CELSR3: variants seen among roughly 807,000 people sequenced by gnomAD.
CELSR3 encodes EGF-like protein 1.
In CELSR3, 73 loss-of-function variants were observed where a neutral mutation model predicts 270.0. The observed-to-expected ratio is 0.27, with a 90% confidence interval of 0.22 to 0.33. The LOEUF (loss-of-function observed/expected upper bound fraction) is 0.33, where lower values mean the gene tolerates loss of function less well. Among genes scored for constraint, CELSR3 ranks in the 10% least tolerant of loss-of-function variants. The probability of loss-of-function intolerance (pLI) is 1.00; values close to 1 mark genes in which losing one functional copy is unlikely to be tolerated. For missense variants in CELSR3, 3,614 were observed against 4,533.8 expected, an observed-to-expected ratio of 0.80 and a Z score of 5.83; for synonymous variants, 1,780 against 1,905.4, an observed-to-expected ratio of 0.93 and a Z score of 1.71.
At position 48,662,431 on chromosome 3, in the gene CELSR3, G is replaced by A; in HGVS notation, c.204C>T (p.Ser68=). ...CAGGCCCCCCATCCTCCCGGACCCC[G>A]GAAGACTCCGGACAAAGAGCTAAGG... ...GGALALCPES[S]GVREDGGPGL... Residue 68 remains serine (S), a synonymous_variant, in exon 1 of 35, where the codon TCC becomes TCT. Transcript: ENST00000164024. This position sits in a 1 kb window ranked among gnomAD's most constrained non-coding sequence, Gnocchi z 7.1. The A allele has an allele frequency of 6.2e-7, 1 of 1,612,702 alleles. No homozygotes were observed. The highest frequency in any genetic ancestry group is 1.1e-5 in the South Asian group (1 of 91,054).
Position 48,650,868 on chromosome 3 carries a change from T to C in CELSR3, c.6370+24A>G. 6.2e-7 allele frequency: 1 copy of C among 1,603,962 alleles called. No individual in the cohort carries two copies. Among genetic ancestry groups the C allele is most frequent in the Non-Finnish European group, 8.5e-7 (1 of 1,176,314 alleles). On this transcript the variant is annotated intron_variant, in intron 15 of 34. Transcript: ENST00000164024. The surrounding 1 kb of genome is among the most constrained non-coding windows in gnomAD (Gnocchi z 5.1). ...CACACTGGAACCAGCCCTCTATGGG[T>C]GGAGCTGGGTGGAGCCTGCTCACCC...
chr3:48,657,568 C>G lies in CELSR3; in HGVS notation c.3749-220G>C, dbSNP rs1167495631. Among the ~76,000 whole-genome samples the G allele has an allele frequency of 2.0e-5, 3 of 152,174 alleles. No homozygotes were observed. Among genetic ancestry groups the G allele is most frequent in the Admixed American group, 6.5e-5 (1 of 15,284 alleles). ...GCTTCCTCCCCCAATCCCCAATACA[C>G]GGAGGGGTCTGGGCCAAGGATCAAG... is the stretch of plus-strand genomic sequence containing the variant. On this transcript the variant is annotated intron_variant, in intron 1 of 34. Transcript: ENST00000164024. This position sits in a 1 kb window ranked among gnomAD's most constrained non-coding sequence, Gnocchi z 5.4.
chr3:48,661,462 C>A lies in CELSR3; in HGVS notation c.1173G>T (p.Leu391=), dbSNP rs761827555. 6.2e-7 allele frequency: 1 copy of A among 1,608,764 alleles called. No homozygotes were observed. Among genetic ancestry groups the A allele is most frequent in the Non-Finnish European group, 8.5e-7 (1 of 1,177,988 alleles). The change falls in exon 1 of 35, where the codon CTG becomes CTT. Residue 391 remains leucine (L), a synonymous_variant. Transcript: ENST00000164024. ...QSGLIRTAAA[L]DRESMERHYL... The stretch of plus-strand genomic sequence containing the variant: ...AGTGACGCTCCATGCTCTCGCGGTC[C>A]AGAGCTGCCGCCGTACGGATAAGGC...
chr3:48,644,087 G>A lies in CELSR3; in HGVS notation c.8165+129C>T. On this transcript the variant is annotated intron_variant, in intron 27 of 34. Transcript: ENST00000164024. This position sits in a 1 kb window ranked among gnomAD's most constrained non-coding sequence, Gnocchi z 4.8. ...AGAGAGGGACCACAGGTCAGGGCAG[G>A]TGTGACTTCATTCCTTCATCTAGAA... The A allele has an allele frequency of 1.4e-6, 1 of 727,088 alleles. No individual in the cohort carries two copies. The highest frequency in any genetic ancestry group is 1.8e-5 in the South Asian group (1 of 56,216). 45.0% of individuals were successfully genotyped at this position (727,088 alleles called of 1,614,324 possible). A position where few individuals can be genotyped will look rare whatever the true frequency, so the allele number is the denominator to read the frequency against.
chr3:48,651,090 G>C lies in CELSR3; in HGVS notation c.6187-15C>G. ...TAGTGGAACTCCTGTTTGAGGATGG[G>C]CCAGGGGCCTGAAGTCAGAGGTCAG... On this transcript the variant is annotated splice_polypyrimidine_tract_variant and intron_variant, in intron 14 of 34. Transcript: ENST00000164024. The surrounding 1 kb of genome is among the most constrained non-coding windows in gnomAD (Gnocchi z 7.4). The C allele has an allele frequency of 2.6e-6, 4 of 1,547,856 alleles. No homozygotes were observed. Among genetic ancestry groups the C allele is most frequent in the Non-Finnish European group, 3.5e-6 (4 of 1,147,916 alleles).
In CELSR3 at chr3:48,660,095, T is replaced by C. The variant is rs2077055006; in HGVS notation, c.2540A>G (p.Asn847Ser). Residue 847 changes from asparagine (N) to serine (S), a missense_variant, in exon 1 of 35, where the codon AAC (asparagine) becomes AGC (serine). Physicochemically the swap from Asn to Ser is conservative, Grantham distance 46. Transcript: ENST00000164024. The surrounding 1 kb of genome is among the most constrained non-coding windows in gnomAD (Gnocchi z 5.5). ...CCGATGAGTGTTGGCATCTGTGATG[T>C]TGATGTGCACATAGCAGTGATCATG... ...ALHDHCYVHINITDANTHRPV... is the reference protein window; with the variant it reads ...ALHDHCYVHISITDANTHRPV... 4 of 1,614,070 alleles carry C rather than the reference T, an allele frequency of 2.5e-6. No homozygotes were observed. The highest frequency in any genetic ancestry group is 1.1e-5 in the South Asian group (1 of 91,086).
Position 48,643,671 on chromosome 3 carries a change from A to G in CELSR3, c.8172T>C (p.Leu2724=), listed in dbSNP as rs1323557302. The G allele has an allele frequency of 6.4e-7, 1 of 1,552,518 alleles. No homozygotes were observed. The highest frequency in any genetic ancestry group is 1.2e-5 in the South Asian group (1 of 84,114). ...GCAGAAGCAGCAGGAAGGAGCTGCG[A>G]AGGGTCCTGCTGTGGGGACATGGGA... ...REAKKTSALT[L]RSSFLLLLLV... The change falls in exon 28 of 35, where the codon CTT becomes CTC. Residue 2724 remains leucine, a synonymous_variant. Coordinates refer to ENST00000164024, the MANE Select transcript of CELSR3 (RefSeq NM_001407.3).
Position 48,650,199 on chromosome 3 carries a change from C to T in CELSR3, c.6472+281G>A. The T allele has an allele frequency of 1.8e-6, 1 of 560,780 alleles. No homozygotes were observed. Among genetic ancestry groups the T allele is most frequent in the South Asian group, 1.5e-5 (1 of 65,546 alleles). 34.7% of individuals were successfully genotyped at this position (560,780 alleles called of 1,614,324 possible). ...AGCAGGGAGGGGTCTGCAGGGACCT[C>T]AGGCAGCAGGAGGGGTCTGCAAAAG... On this transcript the variant is annotated intron_variant, in intron 16 of 34. Transcript: ENST00000164024. The surrounding 1 kb of genome is among the most constrained non-coding windows in gnomAD (Gnocchi z 5.1).
chr3:48,659,388 C>T lies in CELSR3; in HGVS notation c.3247G>A (p.Gly1083Ser), dbSNP rs1386264590. ...GCAGTGATCTGGGCCACCACTGAGC[C>T]CACAATGCTATTCTCTTTCACCCGC... ...EVRVKENSIV[G>S]SVVAQITAVD... is the part of the protein sequence containing the mutation. The change falls in exon 1 of 35, where the codon GGC becomes AGC. Residue 1083 changes from glycine (G) to serine (S), a missense_variant. By Grantham distance (56) the Gly-to-Ser change is moderately conservative (BLOSUM62 0). Coordinates refer to ENST00000164024, the MANE Select transcript of CELSR3 (RefSeq NM_001407.3). The surrounding 1 kb of genome is among the most constrained non-coding windows in gnomAD (Gnocchi z 8.1). 2 of 1,614,152 alleles carry T rather than the reference C, an allele frequency of 1.2e-6. No homozygotes were observed. Among genetic ancestry groups the T allele is most frequent in the African/African-American group, 1.3e-5 (1 of 75,016 alleles).
chr3:48,650,469 C>G lies in CELSR3; in HGVS notation c.6472+11G>C. 1 of 1,556,732 alleles carries G rather than the reference C, an allele frequency of 6.4e-7. No homozygotes were observed. The highest frequency in any genetic ancestry group is 8.8e-7 in the Non-Finnish European group (1 of 1,139,174). Reference sequence around the variant, plus strand: ...CACCCTCAGTGATGTCCTTTCCCCCCACATACTCACCCAGGGCCCCCCGGG... The same window carrying G: ...CACCCTCAGTGATGTCCTTTCCCCCGACATACTCACCCAGGGCCCCCCGGG... On this transcript the variant is annotated intron_variant, in intron 16 of 34. Transcript: ENST00000164024. This position sits in a 1 kb window ranked among gnomAD's most constrained non-coding sequence, Gnocchi z 5.1.
At position 48,639,145 on chromosome 3, in the gene CELSR3, C is replaced by T. The variant is rs1265958875; in HGVS notation, c.9911+529G>A. 6.6e-6 allele frequency among the ~76,000 whole-genome samples: 1 copy of T among 152,140 alleles called. No individual in the cohort carries two copies. The highest frequency in any genetic ancestry group is 1.5e-5 in the Non-Finnish European group (1 of 68,026). ...GGTTCCAACTCAGTTCCTGTGAGCC[C>T]CACCCCAAAGTGTCCACAGACAGGA... On this transcript the variant is annotated intron_variant, in intron 34 of 34. Transcript: ENST00000164024. This position sits in a 1 kb window ranked among gnomAD's most constrained non-coding sequence, Gnocchi z 4.1.
Position 48,653,954 on chromosome 3 carries a change from A to G in CELSR3, c.5202T>C (p.Ser1734=). The change falls in exon 8 of 35, where the codon AGT becomes AGC. Residue 1734 remains serine, a synonymous_variant. Transcript: ENST00000164024. The surrounding 1 kb of genome is among the most constrained non-coding windows in gnomAD (Gnocchi z 6.5). ...HFCDSGPCKN[S]GFCSERWGSF... ...TGCCCCAGCGCTCCGAGCAGAAGCC[A>G]CTGTTCTTGCAGGGGCCTGAGTCAC... The G allele has an allele frequency of 6.2e-7, 1 of 1,613,568 alleles. No individual in the cohort carries two copies. The highest frequency in any genetic ancestry group is 1.1e-5 in the South Asian group (1 of 91,092).
chr3:48,648,834 T>C lies in CELSR3; in HGVS notation c.6662A>G (p.His2221Arg), dbSNP rs2047111588. ...RLREVTGHTDHYFSQDVRVTA... is the reference protein window; with the variant it reads ...RLREVTGHTDRYFSQDVRVTA... ...GACTCGAACATCTTGGCTAAAATAG[T>C]GGTCAGTGTGGCCAGTCACCTCCCG... The change falls in exon 18 of 35, where the codon CAC (histidine) becomes CGC (arginine). Residue 2221 changes from histidine to arginine, a missense_variant. Around this residue, in one of 7 missense-constraint regions of CELSR3, gnomAD observed 1,331 missense variants for 1,933.7 expected, o/e 0.69. Transcript: ENST00000164024. 1 of 1,612,836 alleles carries C rather than the reference T, an allele frequency of 6.2e-7. No individual in the cohort carries two copies.
chr3:48,646,670 C>G lies in CELSR3; in HGVS notation c.7295+93G>C. 8 of 1,291,038 alleles carry G rather than the reference C, an allele frequency of 6.2e-6. No individual in the cohort carries two copies. The highest frequency in any genetic ancestry group is 8.6e-6 in the Non-Finnish European group (8 of 929,308). 80.0% of individuals were successfully genotyped at this position (1,291,038 alleles called of 1,614,324 possible). A position where few individuals can be genotyped will look rare whatever the true frequency, so the allele number is the denominator to read the frequency against. On this transcript the variant is annotated intron_variant, in intron 21 of 34. Coordinates refer to ENST00000164024, the MANE Select transcript of CELSR3 (RefSeq NM_001407.3). This position sits in a 1 kb window ranked among gnomAD's most constrained non-coding sequence, Gnocchi z 4.8. Reference sequence around the variant, plus strand: ...GGGCTCCCTGGAGCTGTGCTCCTCTCTGTGTGTTGTGAACCTACGCATCTA... The same window carrying G: ...GGGCTCCCTGGAGCTGTGCTCCTCTGTGTGTGTTGTGAACCTACGCATCTA...
In CELSR3 at chr3:48,659,398, A is replaced by G; in HGVS notation, c.3237T>C (p.Asn1079=). The G allele has an allele frequency of 6.2e-7, 1 of 1,614,162 alleles. No individual in the cohort carries two copies. The highest frequency in any genetic ancestry group is 1.6e-4 in the Middle Eastern group (1 of 6,062). ...AEEFEVRVKE[N]SIVGSVVAQI... ...GGGCCACCACTGAGCCCACAATGCT[A>G]TTCTCTTTCACCCGCACCTCAAACT... Residue 1079 remains asparagine (N), a synonymous_variant, in exon 1 of 35, where the codon AAT becomes AAC. Transcript: ENST00000164024. This position sits in a 1 kb window ranked among gnomAD's most constrained non-coding sequence, Gnocchi z 8.1.
rs771398055 is a variant in CELSR3 at position 48,651,570 on chromosome 3, C to T, written c.6065+7G>A. ...GTCTCCCCATCGCCTCAGCCCCAGCCTCTTACCTGTGCTCACAGTGGTGCC... is the reference window on the plus strand; with the variant it reads ...GTCTCCCCATCGCCTCAGCCCCAGCTTCTTACCTGTGCTCACAGTGGTGCC... On this transcript the variant is annotated splice_region_variant and intron_variant, in intron 13 of 34. Coordinates refer to ENST00000164024, the MANE Select transcript of CELSR3 (RefSeq NM_001407.3). The surrounding 1 kb of genome is among the most constrained non-coding windows in gnomAD (Gnocchi z 7.4). 1.3e-6 allele frequency: 2 copies of T among 1,582,630 alleles called. No individual in the cohort carries two copies. Among genetic ancestry groups the T allele is most frequent in the Non-Finnish European group, 1.7e-6 (2 of 1,161,572 alleles).
rs2077070260 is a variant in CELSR3, at chr3:48,662,000, C to T, written c.635G>A (p.Gly212Glu). 6.2e-7 allele frequency: 1 copy of T among 1,614,084 alleles called. No individual in the cohort carries two copies. The highest frequency in any genetic ancestry group is 8.5e-7 in the Non-Finnish European group (1 of 1,180,040). The change falls in exon 1 of 35, where the codon GGG becomes GAG. Residue 212 changes from glycine to glutamate, a missense_variant. By Grantham distance (98) the Gly-to-Glu change is moderately conservative. Coordinates refer to ENST00000164024, the MANE Select transcript of CELSR3 (RefSeq NM_001407.3). ...ARCCGELWAT[G>E]SKGQGERATT... ...GGCTCTCTCGCCCTGACCCTTGCTC[C>T]CTGTTGCCCATAATTCCCCACAGCA...
At position 48,643,665 on chromosome 3, in the gene CELSR3, G is replaced by T; in HGVS notation, c.8178C>A (p.Ser2726Arg). The T allele has an allele frequency of 6.4e-7, 1 of 1,552,312 alleles. No homozygotes were observed. The highest frequency in any genetic ancestry group is 2.4e-5 in the East Asian group (1 of 41,094). ...TGACCAGCAGAAGCAGCAGGAAGGA[G>T]CTGCGAAGGGTCCTGCTGTGGGGAC... ...AKKTSALTLR[S>R]SFLLLLLVSA... The change falls in exon 28 of 35, where the codon AGC becomes AGA. Residue 2726 changes from serine to arginine, a missense_variant. This residue lies in a region of CELSR3 where 1,240 missense variants were observed against 1,351.7 expected (regional missense o/e 0.92). Transcript: ENST00000164024.
At position 48,644,888 on chromosome 3, in the gene CELSR3, G is replaced by A; in HGVS notation, c.7973-60C>T. Reference sequence around the variant, plus strand: ...GTTCCAGAGCTGCTGACCAGCCCATGTATGGGAGAAAGCATGGGTGAGGGC... The same window carrying A: ...GTTCCAGAGCTGCTGACCAGCCCATATATGGGAGAAAGCATGGGTGAGGGC... On this transcript the variant is annotated intron_variant, in intron 25 of 34. Transcript: ENST00000164024. The surrounding 1 kb of genome is among the most constrained non-coding windows in gnomAD (Gnocchi z 4.8). 1 of 1,544,578 alleles carries A rather than the reference G, an allele frequency of 6.5e-7. No individual in the cohort carries two copies. Among genetic ancestry groups the A allele is most frequent in the East Asian group, 2.3e-5 (1 of 43,768 alleles).
Sources: gnomAD v4.1 joint callset for allele counts (sites outside exome capture counted in the v4.1 genomes callset) on GRCh38, gnomAD v4.1.1 for gene constraint, gnomAD v4.1.1 regional missense constraint, Gnocchi (gnomAD v3.1) non-coding constraint, MANE v1.5 for transcripts, NCBI Gene and HGNC (gene_info 2026-07-23, HGNC 2026-07-21) for gene names.